Variants in UBR3 observed in about 807,000 individuals in gnomAD.
UBR3 encodes E3 ubiquitin-protein ligase UBR3.
A neutral mutation model predicts 243.2 loss-of-function variants in UBR3; 85 were observed. The ratio of observed to expected loss-of-function variants is 0.35; its 90% CI spans 0.29 to 0.42. The LOEUF (loss-of-function observed/expected upper bound fraction) is 0.42. Ranked by LOEUF, UBR3 falls within the 10% of genes least tolerant of loss-of-function variation. The pLI is 1.00. For synonymous variants in UBR3, 748 were observed against 799.8 expected (o/e 0.94, Z 1.09); for missense variants, 1,686 against 2,300.8 (o/e 0.73, Z 5.47).
intron 11 of UBR3, among the ~76,000 whole-genome samples, chr2:169,918,182 G>A (rs1035772432): frequency 6.6e-6 from 1 of 152,112 alleles, no homozygotes; most frequent in Non-Finnish European, 1.5e-5. Flanking sequence ...AACTGTATTG[G>A]TTGTTGGCAG....
chr2:169,837,198 C>T (rs906524626), intron 1 of UBR3, among the ~76,000 whole-genome samples: 9 of 152,202 alleles, frequency 5.9e-5, no homozygotes, highest in African/African-American at 1.2e-4. Context: ...ACTGCCTGAA[C>T]GGGCCCGGAG....
chr2:169,918,031 G>T (rs899813985), intron 11 of UBR3, among the ~76,000 whole-genome samples: 2 of 152,156 alleles, frequency 1.3e-5, no homozygotes, highest in Non-Finnish European at 2.9e-5. Flanking sequence ...GGTGCTTAAA[G>T]GTTTTATTAT....
intron 24 of UBR3, among the ~76,000 whole-genome samples, chr2:169,963,920 C>G (rs2087693226): frequency 6.6e-6 from 1 of 152,146 alleles, no homozygotes; most frequent in African/African-American, 2.4e-5. Context: ...TGCTTTCTCT[C>G]TACTAAATGA....
At chr2:170,036,487 C>T (rs913820774) in intron 31 of UBR3, among the ~76,000 whole-genome samples, 3 of 151,720 alleles carry the variant, frequency 2.0e-5, no homozygotes, top group African/African-American at 7.3e-5. Context: ...AGGATTTTTT[C>T]TGATTATTAT....
chr2:169,972,608 A>G (rs1405498331), intron 24 of UBR3, among the ~76,000 whole-genome samples: 1 of 152,252 alleles, frequency 6.6e-6, no homozygotes, highest in African/African-American at 2.4e-5. Context: ...GGCTGGTTCA[A>G]TATATGCAAA....
At chr2:170,065,480 G>T (rs2105450245) in intron 35 of UBR3, among the ~76,000 whole-genome samples, 1 of 152,180 alleles carries the variant, frequency 6.6e-6, no homozygotes, top group Admixed American at 6.6e-5. Context: ...GTGGAGACAG[G>T]ATTTCACCAT....
intron 1 of UBR3, among the ~76,000 whole-genome samples, chr2:169,855,608 C>T (rs1285022306): frequency 6.6e-6 from 1 of 152,162 alleles, no homozygotes; most frequent in East Asian, 1.9e-4. Context: ...TTGCACCGCC[C>T]TTAATCCATT....
At chr2:170,071,777 G>C (rs1408556265) in intron 35 of UBR3, among the ~76,000 whole-genome samples, 1 of 152,112 alleles carries the variant, frequency 6.6e-6, no homozygotes, top group East Asian at 1.9e-4. Flanking sequence ...TGTACTTAAT[G>C]TGCATAATTA....
chr2:170,000,448 A>G (rs909386767), intron 26 of UBR3, among the ~76,000 whole-genome samples: 1 of 152,246 alleles, frequency 6.6e-6, no homozygotes, highest in Admixed American at 6.5e-5. Context: ...TGAATTATTT[A>G]GGAGACAGAA....
At chr2:169,947,200 A>G (rs1021596244) in intron 21 of UBR3, among the ~76,000 whole-genome samples, 31 of 152,078 alleles carry the variant, frequency 2.0e-4, no homozygotes, top group African/African-American at 4.8e-5. Context: ...ATTTCCTCCC[A>G]ATTTGTCCAA....
chr2:169,830,921 A>ATT lies in UBR3; in HGVS notation c.545+2870_545+2871insTT, dbSNP rs1281011932. Among the ~76,000 whole-genome samples, 9 of 151,498 alleles carry ATT rather than the reference A, an allele frequency of 5.9e-5. No individual in the cohort carries two copies. The South Asian group carries it at 1.9e-3, about 32-fold the overall frequency. ...TTGTCGTGGATGAGATGGAAGTCTG[A>ATT]TCGCTTGTGATGCTTCAGTGTACTA... On this transcript the variant is annotated intron_variant, in intron 1 of 38. Transcript: ENST00000272793.
chr2:169,917,261 A>G (rs918227220), intron 11 of UBR3, among the ~76,000 whole-genome samples: 2 of 152,158 alleles, frequency 1.3e-5, no homozygotes, highest in African/African-American at 4.8e-5. Flanking sequence ...CAGTCTTCAG[A>G]GAGAACATTG....
At chr2:169,920,229 C>T (rs1262086892) in intron 11 of UBR3, among the ~76,000 whole-genome samples, 1 of 152,106 alleles carries the variant, frequency 6.6e-6, no homozygotes, top group East Asian at 1.9e-4. Context: ...AAAAACCAAA[C>T]ACCGCATGTT....
At chr2:169,887,028 A>G (rs1196674186) in intron 5 of UBR3, among the ~76,000 whole-genome samples, 2 of 151,756 alleles carry the variant, frequency 1.3e-5, no homozygotes, top group Non-Finnish European at 2.9e-5. Flanking sequence ...TGAAGCTCAC[A>G]TTTATGAAAA....
chr2:169,960,183 A>G (rs1378720450), intron 24 of UBR3, among the ~76,000 whole-genome samples: 3 of 145,802 alleles, frequency 2.1e-5, no homozygotes, highest in African/African-American at 5.1e-5. Context: ...ACCAGGAGAC[A>G]GGTTTCAGTG....
At chr2:169,946,460 C>A in intron 21 of UBR3, 68 bp downstream of exon 21, 3 of 746,258 alleles carry the variant, frequency 4.0e-6, no homozygotes, top group South Asian at 2.4e-5. Context: ...CAATTGTTGC[C>A]AAACCAGGCA....
intron 30 of UBR3, among the ~76,000 whole-genome samples, chr2:170,027,221 G>A (rs992776708): frequency 6.6e-6 from 1 of 151,316 alleles, no homozygotes; most frequent in Middle Eastern, 3.4e-3. Context: ...GTATCTGCCC[G>A]TATGTAAGCC....
At chr2:169,914,700 A>T (rs1193491369) in intron 11 of UBR3, among the ~76,000 whole-genome samples, 1 of 152,154 alleles carries the variant, frequency 6.6e-6, no homozygotes, top group Admixed American at 6.5e-5. Context: ...TATTCCTCCT[A>T]TGAAGTAGGG....
chr2:170,057,851 GAA>G (rs2091370132), intron 33 of UBR3, among the ~76,000 whole-genome samples: 1 of 151,984 alleles, frequency 6.6e-6, no homozygotes, highest in African/African-American at 2.4e-5. Context: ...TTTAGTGAAA[GAA>G]AATTAAAAAT....
Sources: gnomAD v4.1 joint callset for allele counts (sites outside exome capture counted in the v4.1 genomes callset) on GRCh38, gnomAD v4.1.1 for gene constraint, MANE v1.5 for transcripts, NCBI Gene and HGNC (gene_info 2026-07-23, HGNC 2026-07-21) for gene names.